The following PCDH9 variants were observed in gnomAD, a reference collection of about 807,000 sequenced individuals.
PCDH9 encodes protocadherin 9.
PCDH9 carries 24 observed loss-of-function variants against 70.6 expected under a neutral mutation model. The ratio of observed to expected loss-of-function variants is 0.34; its 90% CI spans 0.25 to 0.48. PCDH9 has a LOEUF of 0.48. PCDH9 is among the 20% of genes least tolerant of loss of function. The probability of loss-of-function intolerance (pLI) is 0.99; values close to 1 mark genes in which losing one functional copy is unlikely to be tolerated. For missense variants in PCDH9, 1,281 were observed against 1,503.6 expected (o/e 0.85, Z 2.45); for synonymous variants, 562 against 558.5 (o/e 1.01, Z -0.09).
chr13:66,631,249 T>C lies in PCDH9; in HGVS notation c.3301A>G (p.Lys1101Glu). Residue 1101 changes from lysine (K) to glutamate (E), a missense_variant, in exon 4 of 5, where the codon AAG (lysine) becomes GAG (glutamate). Coordinates refer to ENST00000377865, the MANE Select transcript of PCDH9 (RefSeq NM_203487.3). ...GAGTTGCCATCTGCTTCAGTCCTCTTGTCCGGAGAGGCCTGGTCATAGAAT... is the reference window on the plus strand; with the variant it reads ...GAGTTGCCATCTGCTTCAGTCCTCTCGTCCGGAGAGGCCTGGTCATAGAAT... ...DEFYDQASPD[K>E]RTEADGNSDP... 6.2e-7 allele frequency: 1 copy of C among 1,610,568 alleles called. No homozygotes were observed. The highest frequency in any genetic ancestry group is 1.1e-5 in the South Asian group (1 of 91,022).
At chr13:67,013,286 C>CAG (rs1185877481) in intron 2 of PCDH9, among the ~76,000 whole-genome samples, 1 of 151,614 alleles carries the variant, frequency 6.6e-6, no homozygotes, top group African/African-American at 2.4e-5. Context: ...CACACACACA[C>CAG]ACACACACAC....
chr13:66,921,485 TC>T (rs2139643862), intron 2 of PCDH9, among the ~76,000 whole-genome samples: 1 of 151,334 alleles, frequency 6.6e-6, no homozygotes, highest in South Asian at 2.1e-4. Flanking sequence ...TTGCATATGG[TC>T]CTTTGATAAG....
intron 2 of PCDH9, among the ~76,000 whole-genome samples, chr13:67,030,121 C>CG (rs1181751969): frequency 6.6e-6 from 1 of 152,062 alleles, no homozygotes; most frequent in Non-Finnish European, 1.5e-5. Context: ...CGCTCTGTCA[C>CG]CCAGGCTGGA....
At chr13:66,581,589 G>A (rs532566433) in intron 4 of PCDH9, among the ~76,000 whole-genome samples, 4 of 152,244 alleles carry the variant, frequency 2.6e-5, no homozygotes, top group African/African-American at 4.8e-5. Context: ...AAGGAAGGAC[G>A]TTACTTCAAA....
At chr13:66,628,982 C>T (rs752051942) in intron 4 of PCDH9, among the ~76,000 whole-genome samples, 11 of 152,302 alleles carry the variant, frequency 7.2e-5, no homozygotes, top group Non-Finnish European at 1.6e-4. Flanking sequence ...TTTAAAATCT[C>T]TAACTCAATT....
At chr13:67,135,577 G>T (rs2087214450) in intron 2 of PCDH9, among the ~76,000 whole-genome samples, 2 of 152,090 alleles carry the variant, frequency 1.3e-5, no homozygotes, top group South Asian at 4.1e-4. Flanking sequence ...TAATTTCACG[G>T]TAAGAACATT....
intron 4 of PCDH9, among the ~76,000 whole-genome samples, chr13:66,378,405 A>G (rs1440192069): frequency 1.3e-5 from 2 of 152,114 alleles, no homozygotes; most frequent in African/African-American, 4.8e-5. Flanking sequence ...AGTCCTTCTG[A>G]GATTGGGACA....
chr13:66,372,196 T>C (rs1052090187), intron 4 of PCDH9, among the ~76,000 whole-genome samples: 2 of 151,962 alleles, frequency 1.3e-5, no homozygotes, highest in Admixed American at 6.6e-5. Flanking sequence ...CTAAATCTTG[T>C]ATAAAAATTA....
chr13:66,419,709 A>C lies in PCDH9; in HGVS notation c.3341-114681T>G, dbSNP rs112805192. 8.5e-3 allele frequency among the ~76,000 whole-genome samples: 1,298 copies of C among 151,814 alleles called. 16 individuals carry two copies. Among genetic ancestry groups the C allele is most frequent in the African/African-American group, 0.03 (1,234 of 41,360 alleles). ...CTACATCACCAGGGCCCTGGGTTTC[A>C]AGCACAAAACTGGGCAGCCATTTGG... is the stretch of plus-strand genomic sequence containing the variant. On this transcript the variant is annotated intron_variant, in intron 4 of 4. Coordinates refer to ENST00000377865, the MANE Select transcript of PCDH9 (RefSeq NM_203487.3).
intron 4 of PCDH9, among the ~76,000 whole-genome samples, chr13:66,375,741 A>T (rs1239497278): frequency 6.6e-6 from 1 of 152,104 alleles, no homozygotes. Context: ...GACCTGAATA[A>T]GTGTATTACT....
At chr13:66,744,285 C>T (rs897106841) in intron 3 of PCDH9, among the ~76,000 whole-genome samples, 4 of 151,950 alleles carry the variant, frequency 2.6e-5, no homozygotes, top group Non-Finnish European at 4.4e-5. Flanking sequence ...TAAATAAGCC[C>T]GACAGAACCA....
chr13:66,654,697 G>A (rs921563778), intron 3 of PCDH9, among the ~76,000 whole-genome samples: 1 of 151,944 alleles, frequency 6.6e-6, no homozygotes, highest in African/African-American at 2.4e-5. Flanking sequence ...CTTGTTGTTT[G>A]TTGTTGTCTG....
At chr13:66,686,318 C>A (rs1467631583) in intron 3 of PCDH9, among the ~76,000 whole-genome samples, 1 of 152,076 alleles carries the variant, frequency 6.6e-6, no homozygotes, top group Non-Finnish European at 1.5e-5. Context: ...CTTATCTTTC[C>A]TGCCATCATT....
At chr13:66,483,538 G>A (rs1259586706) in intron 4 of PCDH9, among the ~76,000 whole-genome samples, 2 of 152,214 alleles carry the variant, frequency 1.3e-5, no homozygotes, top group African/African-American at 4.8e-5. Context: ...TTGTTTGAGT[G>A]TACACATAGA....
rs139217455 is a variant in PCDH9 at position 66,560,909 on chromosome 13, C to CTG, written c.3340+70300_3340+70301insCA. ...GAGAGGTGACAGCGTGCTAGCAGTC[C>CTG]TCACAGCCCTGGCTCCCTCTCTGCG... On this transcript the variant is annotated intron_variant, in intron 4 of 4. Transcript: ENST00000377865. 4.4e-3 allele frequency among the ~76,000 whole-genome samples: 669 copies of CTG among 152,338 alleles called. 26 individuals carry two copies. The East Asian group carries it at 0.085, about 19-fold the overall frequency.
At chr13:66,623,480 C>T (rs977217832) in intron 4 of PCDH9, among the ~76,000 whole-genome samples, 2 of 152,092 alleles carry the variant, frequency 1.3e-5, no homozygotes, top group African/African-American at 4.8e-5. Context: ...GTCATTTCAC[C>T]TGGGCTGGAG....
intron 3 of PCDH9, among the ~76,000 whole-genome samples, chr13:66,863,738 A>G (rs1006075615): frequency 1.3e-5 from 2 of 152,048 alleles, no homozygotes; most frequent in East Asian, 3.9e-4. Flanking sequence ...GCCCAAAGTG[A>G]TCTGCCTCAC....
chr13:67,029,788 C>A (rs552852389), intron 2 of PCDH9, among the ~76,000 whole-genome samples: 90 of 152,276 alleles, frequency 5.9e-4, no homozygotes, highest in Non-Finnish European at 1.1e-3. Context: ...TTTTTCTACT[C>A]CCCAACTCAA....
chr13:66,802,383 C>T (rs1238226779), intron 3 of PCDH9, among the ~76,000 whole-genome samples: 1 of 151,986 alleles, frequency 6.6e-6, no homozygotes, highest in South Asian at 2.1e-4. Context: ...CATTGATAAA[C>T]ACTATGCATA....
Sources: allele counts gnomAD v4.1 joint callset (sites outside exome capture counted in the v4.1 genomes callset), GRCh38; gene constraint gnomAD v4.1.1; transcripts MANE v1.5; gene names NCBI Gene and HGNC (gene_info 2026-07-23, HGNC 2026-07-21).